The following PPP1R12B variants were observed in gnomAD, a reference collection of about 807,000 sequenced individuals.
PPP1R12B encodes the protein protein phosphatase 1 regulatory subunit 12B, also known as myosin phosphatase target subunit 2.
PPP1R12B carries 76 observed loss-of-function variants against 126.1 expected under a neutral mutation model. That is an observed-to-expected ratio of 0.60 (90% CI 0.50 to 0.73). The LOEUF (loss-of-function observed/expected upper bound fraction) is 0.73. PPP1R12B is among the 30% of genes least tolerant of loss of function. The pLI, the probability that PPP1R12B is intolerant of heterozygous loss-of-function variation, is 0.00. For missense variants in PPP1R12B, 1,052 were observed against 1,205.1 expected, an observed-to-expected ratio of 0.87 and a Z score of 1.88; for synonymous variants, 356 against 434.7, an observed-to-expected ratio of 0.82 and a Z score of 2.25.
At chr1:202,489,555 A>G (rs1277708981) in intron 14 of PPP1R12B, among the ~76,000 whole-genome samples, 6 of 152,388 alleles carry the variant, frequency 3.9e-5, no homozygotes, top group Non-Finnish European at 7.3e-5. Flanking sequence ...ATGTTACAAC[A>G]TGGATGAACC....
intron 18 of PPP1R12B, among the ~76,000 whole-genome samples, chr1:202,548,787 T>C (rs1276929827): frequency 9.6e-6 from 1 of 104,422 alleles, no homozygotes; most frequent in South Asian, 3.4e-4. Context: ...TCTCTCTCTC[T>C]CTCTCTCTCT....
rs1055609908 is a variant in PPP1R12B, at chr1:202,440,583, A to T, written c.1459-123A>T. 6 of 645,486 alleles carry T rather than the reference A, an allele frequency of 9.3e-6. No homozygotes were observed. The Admixed American group carries it at 1.3e-4, about 14-fold the overall frequency. 40.0% of individuals were successfully genotyped at this position (645,486 alleles called of 1,614,324 possible). On this transcript the variant is annotated intron_variant, in intron 10 of 23. Coordinates refer to ENST00000608999, the MANE Select transcript of PPP1R12B (RefSeq NM_002481.4). The stretch of plus-strand genomic sequence containing the variant: ...CTTTTGTAAATACCACTCAAAATAG[A>T]ATTAGTGTTGGATCCAGAAATAAGA...
At chr1:202,438,564 G>T in intron 10 of PPP1R12B, 1 of 447,460 alleles carries the variant, frequency 2.2e-6, no homozygotes, top group Non-Finnish European at 4.2e-6. Context: ...CGGTGGAAGA[G>T]GCTGAACAGC....
chr1:202,501,763 A>C, intron 18 of PPP1R12B: 2 of 776,044 alleles, frequency 2.6e-6, no homozygotes, highest in Non-Finnish European at 3.1e-6. Flanking sequence ...ACCTTTTTTC[A>C]GGGAACCTCT....
intron 1 of PPP1R12B, among the ~76,000 whole-genome samples, chr1:202,372,495 C>T (rs1452234494): frequency 1.3e-5 from 2 of 151,618 alleles, no homozygotes; most frequent in South Asian, 4.1e-4. Flanking sequence ...GAGTGAGACC[C>T]TGTCTCAAAA....
chr1:202,534,268 A>G (rs978787050), intron 18 of PPP1R12B, among the ~76,000 whole-genome samples: 1 of 152,146 alleles, frequency 6.6e-6, no homozygotes, highest in Non-Finnish European at 1.5e-5. Context: ...TTCTAGCACA[A>G]GAGATCAGGC....
intron 18 of PPP1R12B, chr1:202,540,149 T>G (rs1684957942): frequency 1.2e-6 from 2 of 1,608,224 alleles, no homozygotes; most frequent in Non-Finnish European, 1.7e-6. Context: ...CATGTCCTCT[T>G]TATATACCCG....
chr1:202,588,792 G>A lies in PPP1R12B; in HGVS notation c.*8232G>A, dbSNP rs1689972604. 1 of 151,582 alleles carries A rather than the reference G, an allele frequency of 6.6e-6. No individual in the cohort carries two copies. The highest frequency in any genetic ancestry group is 6.6e-5 in the Admixed American group (1 of 15,204). The allele number at this position is 151,582 out of a possible 1,614,324, so 9.4% of individuals were successfully genotyped here. On this transcript the variant is annotated 3_prime_UTR_variant, in exon 24 of 24. Transcript: ENST00000608999. ...ATTTCCTAAATGGAGTCAGGCCAAG[G>A]AGAAGCCTAGATTGGCGTTCAAAAG...
At chr1:202,439,702 G>T in intron 10 of PPP1R12B, 2 of 607,050 alleles carry the variant, frequency 3.3e-6, no homozygotes, top group South Asian at 1.9e-5. Flanking sequence ...AGGACTGGGG[G>T]TTGTGCAGCC....
Position 202,377,832 on chromosome 1 carries a change from G to GTTTTTTTT in PPP1R12B, c.291+28710_291+28717dup, listed in dbSNP as rs74860606. Among the ~76,000 whole-genome samples, 121 of 97,260 alleles carry GTTTTTTTT rather than the reference G, an allele frequency of 1.2e-3. 22 individuals carry two copies. Among genetic ancestry groups the GTTTTTTTT allele is most frequent in the African/African-American group, 5.9e-3 (119 of 20,132 alleles). 63.8% of individuals were successfully genotyped at this position (97,260 alleles called of 152,430 possible). ...GGAGAAAGAAAGGTCAAAGACAGGTGTTTTTTTTTTTTTTTTTTTTTTTTT... is the reference window on the plus strand; with the variant it reads ...GGAGAAAGAAAGGTCAAAGACAGGTGTTTTTTTTTTTTTTTTTTTTTTTTTTTTTTTTT... On this transcript the variant is annotated intron_variant, in intron 1 of 23. Transcript: ENST00000608999.
At chr1:202,351,689 C>T (rs1002649699) in intron 1 of PPP1R12B, among the ~76,000 whole-genome samples, 1 of 152,150 alleles carries the variant, frequency 6.6e-6, no homozygotes, top group Non-Finnish European at 1.5e-5. Context: ...TTTAAAATGT[C>T]CATTTGTTAT....
intron 13 of PPP1R12B, among the ~76,000 whole-genome samples, chr1:202,452,650 T>A (rs768326937): frequency 1.5e-4 from 23 of 152,198 alleles, no homozygotes; most frequent in Non-Finnish European, 3.1e-4. Flanking sequence ...TTGTTCACTG[T>A]TGGCAAATAA....
intron 1 of PPP1R12B, among the ~76,000 whole-genome samples, chr1:202,405,766 G>T (rs140493431): frequency 1.3e-5 from 2 of 152,116 alleles, no homozygotes; most frequent in Admixed American, 6.6e-5. Context: ...ACTGTATGCT[G>T]TACTGCTTAG....
intron 13 of PPP1R12B, among the ~76,000 whole-genome samples, chr1:202,486,565 G>A (rs137969506): frequency 0.018 from 2,746 of 152,348 alleles, 78 homozygotes; most frequent in African/African-American, 0.057. Flanking sequence ...AGCACTCTGG[G>A]AAGTCGAGGT....
chr1:202,442,408 T>C lies in PPP1R12B; in HGVS notation c.1542-39T>C, dbSNP rs544583806. ...TTGTATCATGGACAAAAACTGGTGG[T>C]AGGAATCAGTGTTTTGTTTTCCTTT... is the stretch of plus-strand genomic sequence containing the variant. On this transcript the variant is annotated intron_variant, in intron 11 of 23. Coordinates refer to ENST00000608999, the MANE Select transcript of PPP1R12B (RefSeq NM_002481.4). The C allele has an allele frequency of 1.2e-4, 188 of 1,589,294 alleles. 3 individuals are homozygous for C. The South Asian group carries it at 2.0e-3, about 17-fold the overall frequency.
At chr1:202,434,585 A>C in intron 8 of PPP1R12B, 71 bp from the exon 9 acceptor site, 1 of 1,539,978 alleles carries the variant, frequency 6.5e-7, no homozygotes, top group Non-Finnish European at 8.7e-7. Context: ...TTCTATTAGC[A>C]GAAAAGGACA....
At chr1:202,427,997 A>T (rs1330006118) in intron 5 of PPP1R12B, among the ~76,000 whole-genome samples, 5 of 147,948 alleles carry the variant, frequency 3.4e-5, no homozygotes, top group African/African-American at 1.0e-4. Context: ...AATGGTAGAG[A>T]TGGGGGGTCT....
At chr1:202,453,567 G>T (rs191317755) in intron 13 of PPP1R12B, among the ~76,000 whole-genome samples, 153 of 152,168 alleles carry the variant, frequency 1.0e-3, no homozygotes, top group African/African-American at 3.4e-3. Flanking sequence ...AAGCCATCAG[G>T]TCCCACGTGA....
intron 18 of PPP1R12B, among the ~76,000 whole-genome samples, chr1:202,526,943 G>A (rs1243144395): frequency 6.6e-6 from 1 of 152,042 alleles, no homozygotes; most frequent in East Asian, 1.9e-4. Flanking sequence ...GCTAAAGAGA[G>A]AAAACTGTAA....
Sources: gnomAD v4.1 joint callset for allele counts (sites outside exome capture counted in the v4.1 genomes callset) on GRCh38, gnomAD v4.1.1 for gene constraint, MANE v1.5 for transcripts, NCBI Gene and HGNC (gene_info 2026-07-23, HGNC 2026-07-21) for gene names.